Variants in NECAB1 observed in about 807,000 individuals in gnomAD.
NECAB1 encodes the protein N-terminal EF-hand calcium binding protein 1, also known as N-terminal EF-hand calcium-binding protein 1.
In NECAB1, 29 loss-of-function variants were observed where a neutral mutation model predicts 57.5. The ratio of observed to expected loss-of-function variants is 0.50; its 90% CI spans 0.38 to 0.69. NECAB1 has a LOEUF of 0.69. Ranked by LOEUF, NECAB1 falls within the 30% of genes least tolerant of loss-of-function variation. The probability of loss-of-function intolerance (pLI) is 0.00; values close to 1 mark genes in which losing one functional copy is unlikely to be tolerated. For synonymous variants in NECAB1, 142 were observed against 147.7 expected (o/e 0.96, Z 0.28); for missense variants, 372 against 413.8 (o/e 0.90, Z 0.88).
At position 90,928,267 on chromosome 8, in the gene NECAB1, C is replaced by T. The variant is rs1051741058; in HGVS notation, c.661C>T (p.Leu221Phe). 1.9e-6 allele frequency: 3 copies of T among 1,608,932 alleles called. No homozygotes were observed. The highest frequency in any genetic ancestry group is 2.5e-6 in the Non-Finnish European group (3 of 1,177,960). ...CCAGTGGATGACCCAGATAAATAGA[C>T]TCCAGAAATTAATTGATAGACTGGA... is the stretch of plus-strand genomic sequence containing the variant. The part of the protein sequence containing the change: ...DNQWMTQINR[L>F]QKLIDRLEKK... Residue 221 changes from leucine to phenylalanine, a missense_variant, in exon 8 of 13, where the codon CTC becomes TTC. Leu to Phe is a conservative substitution (Grantham distance 22, BLOSUM62 0). Coordinates refer to ENST00000417640, the MANE Select transcript of NECAB1 (RefSeq NM_022351.5).
In NECAB1 at chr8:90,845,131, GA is replaced by G. The variant is rs556567074; in HGVS notation, c.233+20307del. Among the ~76,000 whole-genome samples the G allele has an allele frequency of 9.2e-4, 140 of 152,284 alleles. 1 individual carries two copies. Among genetic ancestry groups the G allele is most frequent in the African/African-American group, 3.3e-3 (138 of 41,556 alleles). ...TTGGATAAGGCTTGCCCACATTGCA[GA>G]GGGCAATCTACTTTGTCCATATTCC... On this transcript the variant is annotated intron_variant, in intron 3 of 12. Transcript: ENST00000417640.
At position 90,957,679 on chromosome 8, in the gene NECAB1, A is replaced by G. The variant is rs1205157152; in HGVS notation, c.*2167A>G. 3.3e-5 allele frequency: 5 copies of G among 150,688 alleles called. No homozygotes were observed. Among genetic ancestry groups the G allele is most frequent in the African/African-American group, 1.2e-4 (5 of 41,256 alleles). The allele number at this position is 150,688 out of a possible 1,614,324, so 9.3% of individuals were successfully genotyped here. ...AAAAGGAAACTAGTAGGGCCAAAAA[A>G]AAAAAGAAAAAGAAAAAGAAAAAAG... On this transcript the variant is annotated 3_prime_UTR_variant, in exon 13 of 13. Transcript: ENST00000417640.
At chr8:90,846,494 CA>C (rs1812561041) in intron 3 of NECAB1, among the ~76,000 whole-genome samples, 1 of 152,176 alleles carries the variant, frequency 6.6e-6, no homozygotes, top group African/African-American at 2.4e-5. Context: ...GTACAAGCCT[CA>C]AAAAGCTACC....
intron 5 of NECAB1, among the ~76,000 whole-genome samples, chr8:90,893,203 C>T (rs1177618206): frequency 6.6e-6 from 1 of 152,018 alleles, no homozygotes; most frequent in Non-Finnish European, 1.5e-5. Flanking sequence ...CTGTCACTTC[C>T]CCTAGGAATC....
intron 2 of NECAB1, among the ~76,000 whole-genome samples, chr8:90,813,866 C>G (rs1812014119): frequency 6.6e-6 from 1 of 152,144 alleles, no homozygotes; most frequent in South Asian, 2.1e-4. Context: ...GTACAGAGTT[C>G]CCATATAACC....
At chr8:90,808,758 G>A (rs930796121) in intron 2 of NECAB1, among the ~76,000 whole-genome samples, 14 of 144,088 alleles carry the variant, frequency 9.7e-5, no homozygotes, top group Non-Finnish European at 1.8e-4. Context: ...CAGTTCTCCT[G>A]CCTCAGTCTC....
chr8:90,856,147 C>G (rs1210976422), intron 3 of NECAB1, among the ~76,000 whole-genome samples: 1 of 152,078 alleles, frequency 6.6e-6, no homozygotes, highest in Non-Finnish European at 1.5e-5. Flanking sequence ...TTGGCAAAAT[C>G]TAGACTAGTT....
intron 2 of NECAB1, among the ~76,000 whole-genome samples, chr8:90,810,052 G>A (rs12680488): frequency 0.38 from 57,846 of 151,984 alleles, 12,275 homozygotes; most frequent in East Asian, 0.81. Context: ...TAGGGAACTC[G>A]TCCAAGGGCA....
At chr8:90,955,112 TTATATATATATATATATATATATA>T (rs59244524) in intron 12 of NECAB1, among the ~76,000 whole-genome samples, 11 of 70,816 alleles carry the variant, frequency 1.6e-4, no homozygotes, top group South Asian at 5.3e-4. Context: ...GGTATATAAA[TTATATATATATATATATATATATA>T]TATATATATA....
At chr8:90,876,249 G>A (rs1395907516) in intron 4 of NECAB1, among the ~76,000 whole-genome samples, 1 of 152,018 alleles carries the variant, frequency 6.6e-6, no homozygotes, top group Admixed American at 6.5e-5. Flanking sequence ...TCCTCCTCCA[G>A]TGGCACATGT....
At chr8:90,883,933 A>G (rs1808907469) in intron 5 of NECAB1, among the ~76,000 whole-genome samples, 1 of 152,244 alleles carries the variant, frequency 6.6e-6, no homozygotes, top group African/African-American at 2.4e-5. Context: ...AAGCAAATGT[A>G]GAATTCTGAT....
In NECAB1 at chr8:90,808,278, T is replaced by A. The variant is rs145923520; in HGVS notation, c.124+6563T>A. Among the ~76,000 whole-genome samples the A allele has an allele frequency of 5.9e-5, 9 of 152,320 alleles. No individual in the cohort carries two copies. In the East Asian group the frequency reaches 1.7e-3, roughly 29 times the overall value. On this transcript the variant is annotated intron_variant, in intron 2 of 12. Transcript: ENST00000417640. Reference sequence around the variant, plus strand: ...CCCAAAACGTGGCTGCTACCTTAAGTGCTTTCTGTAATGGGCATCTGTGGT... The same window carrying A: ...CCCAAAACGTGGCTGCTACCTTAAGAGCTTTCTGTAATGGGCATCTGTGGT...
chr8:90,794,323 A>G (rs1304674847), intron 1 of NECAB1, among the ~76,000 whole-genome samples: 1 of 152,214 alleles, frequency 6.6e-6, no homozygotes, highest in African/African-American at 2.4e-5. Flanking sequence ...TTGATTTAAT[A>G]TATTCTATGG....
At chr8:90,813,997 T>C (rs1289639033) in intron 2 of NECAB1, among the ~76,000 whole-genome samples, 1 of 152,224 alleles carries the variant, frequency 6.6e-6, no homozygotes, top group Non-Finnish European at 1.5e-5. Context: ...TTTGTTCAGA[T>C]TTTTCTTAGT....
chr8:90,793,959 T>A (rs1202185846), intron 1 of NECAB1, among the ~76,000 whole-genome samples: 1 of 152,210 alleles, frequency 6.6e-6, no homozygotes, highest in Non-Finnish European at 1.5e-5. Flanking sequence ...ACAAATAGCA[T>A]CAGGTCCCTG....
intron 3 of NECAB1, among the ~76,000 whole-genome samples, chr8:90,830,258 A>G (rs1208747738): frequency 6.6e-6 from 1 of 152,064 alleles, no homozygotes; most frequent in East Asian, 1.9e-4. Flanking sequence ...CTCCTGCTTA[A>G]CATAGCTTAT....
At chr8:90,794,227 C>A (rs1382090742) in intron 1 of NECAB1, among the ~76,000 whole-genome samples, 9 of 152,104 alleles carry the variant, frequency 5.9e-5, no homozygotes, top group African/African-American at 2.2e-4. Context: ...TGATTTGTTA[C>A]TTAGGGATTT....
At chr8:90,809,416 A>G (rs374114026) in intron 2 of NECAB1, among the ~76,000 whole-genome samples, 44 of 152,376 alleles carry the variant, frequency 2.9e-4, no homozygotes, top group African/African-American at 9.6e-4. Context: ...TCTGGCACTT[A>G]GCATACAGCA....
intron 5 of NECAB1, among the ~76,000 whole-genome samples, chr8:90,914,838 C>A (rs1468181804): frequency 1.3e-5 from 2 of 152,160 alleles, no homozygotes; most frequent in Admixed American, 6.6e-5. Flanking sequence ...AGGAGTGTAT[C>A]TGCAAACTAT....
Sources: allele counts gnomAD v4.1 joint callset (sites outside exome capture counted in the v4.1 genomes callset), GRCh38; gene constraint gnomAD v4.1.1; transcripts MANE v1.5; gene names NCBI Gene and HGNC (gene_info 2026-07-23, HGNC 2026-07-21).